Variants in TDRD10 observed in about 807,000 individuals in gnomAD.
TDRD10 encodes the protein tudor domain-containing protein 10.
Under a neutral mutation model 48.0 loss-of-function variants are expected in TDRD10, and 40 were observed. The ratio of observed to expected loss-of-function variants is 0.83; its 90% CI spans 0.65 to 1.09. TDRD10 has a LOEUF of 1.09. Ranked by LOEUF, TDRD10 falls within the 50% of genes least tolerant of loss-of-function variation. The pLI is 0.00. For synonymous variants in TDRD10, 162 were observed against 170.4 expected (o/e 0.95, Z 0.38); for missense variants, 378 against 434.7 (o/e 0.87, Z 1.16).
intron 6 of TDRD10, among the ~76,000 whole-genome samples, chr1:154,523,835 T>C (rs751731710): frequency 4.6e-5 from 7 of 152,186 alleles, no homozygotes; most frequent in Non-Finnish European, 1.0e-4. Context: ...TCAGTATATG[T>C]GCATGGTCAC....
chr1:154,534,114 C>A (rs1320125254), intron 6 of TDRD10, among the ~76,000 whole-genome samples: 2 of 152,076 alleles, frequency 1.3e-5, no homozygotes, highest in Non-Finnish European at 2.9e-5. Flanking sequence ...ATGAAACATT[C>A]CTGGCATGCA....
At chr1:154,544,976 A>C in intron 11 of TDRD10, 27 bp downstream of exon 11, 1 of 1,610,610 alleles carries the variant, frequency 6.2e-7, no homozygotes, top group Non-Finnish European at 8.5e-7. Context: ...CTTCCTCCCA[A>C]GGGTTTCAGG....
chr1:154,532,434 C>T (rs1158298537), intron 6 of TDRD10, among the ~76,000 whole-genome samples: 1 of 152,178 alleles, frequency 6.6e-6, no homozygotes, highest in Non-Finnish European at 1.5e-5. Context: ...GCGCGCAGCC[C>T]TGGTTCCCAC....
At chr1:154,519,185 C>T (rs1471723191) in intron 4 of TDRD10, among the ~76,000 whole-genome samples, 5 of 152,178 alleles carry the variant, frequency 3.3e-5, no homozygotes, top group African/African-American at 7.2e-5. Context: ...ACACATTGCT[C>T]GTTCTCACGA....
At position 154,532,211 on chromosome 1, in the gene TDRD10, C is replaced by T. The variant is rs113179984; in HGVS notation, c.370-9813C>T. ...GGGTGGTGGGGAGACTCAGGCATGGCGGGCTGCAGGTCCCAAGCCCTGCCC... is the reference window on the plus strand; with the variant it reads ...GGGTGGTGGGGAGACTCAGGCATGGTGGGCTGCAGGTCCCAAGCCCTGCCC... On this transcript the variant is annotated intron_variant, in intron 6 of 12. Transcript: ENST00000368482. Among the ~76,000 whole-genome samples the T allele has an allele frequency of 1.1e-3, 169 of 152,248 alleles. 1 individual carries two copies. In the South Asian group the frequency reaches 0.013, roughly 12 times the overall value.
chr1:154,508,207 A>G (rs1693255002), intron 3 of TDRD10, among the ~76,000 whole-genome samples: 1 of 152,164 alleles, frequency 6.6e-6, no homozygotes, highest in Non-Finnish European at 1.5e-5. Flanking sequence ...GTGCATGGGA[A>G]TATTTTAACA....
intron 4 of TDRD10, among the ~76,000 whole-genome samples, chr1:154,510,797 A>G (rs996104067): frequency 1.3e-5 from 2 of 151,914 alleles, no homozygotes; most frequent in Admixed American, 6.6e-5. Flanking sequence ...CTGTAATTCC[A>G]GCGCTTTGGG....
intron 6 of TDRD10, among the ~76,000 whole-genome samples, chr1:154,526,398 C>G (rs1189592871): frequency 5.1e-4 from 74 of 145,136 alleles, no homozygotes; most frequent in Non-Finnish European, 9.0e-5. Flanking sequence ...GCAAACAAAA[C>G]CCAAAACAAC....
At chr1:154,526,229 C>T (rs1203107538) in intron 6 of TDRD10, among the ~76,000 whole-genome samples, 1 of 148,170 alleles carries the variant, frequency 6.7e-6, no homozygotes, top group Non-Finnish European at 1.5e-5. Context: ...AGAAACTTGA[C>T]ATTATTGAAA....
intron 4 of TDRD10, among the ~76,000 whole-genome samples, chr1:154,509,307 A>G (rs1488252080): frequency 1.3e-5 from 2 of 152,256 alleles, no homozygotes; most frequent in African/African-American, 2.4e-5. Flanking sequence ...GTTCCACTCA[A>G]TCATCTCTGC....
intron 6 of TDRD10, among the ~76,000 whole-genome samples, chr1:154,538,871 T>C (rs1054202366): frequency 1.1e-4 from 14 of 130,962 alleles, no homozygotes; most frequent in African/African-American, 3.8e-4. Context: ...TTGTTATGGG[T>C]AAAGAAGAGA....
chr1:154,533,097 T>C (rs1010455861), intron 6 of TDRD10, among the ~76,000 whole-genome samples: 1 of 152,136 alleles, frequency 6.6e-6, no homozygotes, highest in Non-Finnish European at 1.5e-5. Flanking sequence ...GTTTCTTTAT[T>C]GGGTAGGGGA....
chr1:154,538,829 GGT>G (rs1695066094), intron 6 of TDRD10, among the ~76,000 whole-genome samples: 1 of 99,444 alleles, frequency 1.0e-5, no homozygotes. Flanking sequence ...CTCCAGCCTG[GGT>G]GACGGAGCGA....
At chr1:154,510,291 C>A (rs73020234) in intron 4 of TDRD10, among the ~76,000 whole-genome samples, 29,077 of 150,846 alleles carry the variant, frequency 0.19, 3,031 homozygotes, top group South Asian at 0.24. Flanking sequence ...GCCCTGTCAA[C>A]TGTCAAGAAC....
rs1260332529 is a variant in TDRD10 at position 154,544,101 on chromosome 1, C to T, written c.642C>T (p.His214=). 3.1e-6 allele frequency: 5 copies of T among 1,614,040 alleles called. No individual in the cohort carries two copies. Among genetic ancestry groups the T allele is most frequent in the Non-Finnish European group, 2.5e-6 (3 of 1,180,032 alleles). ...AGACCCCGTTTTTCTGGGCTATGCACGTCACTGAGGTATGGACTGGTTGTT... is the reference window on the plus strand; with the variant it reads ...AGACCCCGTTTTTCTGGGCTATGCATGTCACTGAGGTATGGACTGGTTGTT... The part of the protein sequence containing the change: ...VPKTPFFWAM[H]VTEALHQNMQ... Residue 214 remains histidine (H), a synonymous_variant, in exon 9 of 13, where the codon CAC becomes CAT. Transcript: ENST00000368482.
At chr1:154,545,019 G>A in intron 11 of TDRD10, 70 bp downstream of exon 11, 1 of 1,574,112 alleles carries the variant, frequency 6.4e-7, no homozygotes, top group Non-Finnish European at 8.6e-7. Flanking sequence ...TCTGGGACCT[G>A]AACAGGAAGC....
intron 5 of TDRD10, 95 bp from the exon 6 acceptor site, chr1:154,521,228 A>ACACT: frequency 8.1e-7 from 1 of 1,228,010 alleles, no homozygotes; most frequent in Non-Finnish European, 1.2e-6. Context: ...GAGAGAAAGG[A>ACACT]CACTGGCCTT....
intron 6 of TDRD10, among the ~76,000 whole-genome samples, chr1:154,535,987 A>T (rs948347233): frequency 5.3e-5 from 8 of 152,222 alleles, no homozygotes; most frequent in African/African-American, 1.9e-4. Flanking sequence ...GAGGAGCGGT[A>T]TTATGAAGAG....
chr1:154,530,432 A>AT (rs996111436), intron 6 of TDRD10, among the ~76,000 whole-genome samples: 14 of 137,480 alleles, frequency 1.0e-4, no homozygotes, highest in Middle Eastern at 3.8e-3. Context: ...TTTTCATTAA[A>AT]TTTTTTTTTT....
Sources: allele counts gnomAD v4.1 joint callset (sites outside exome capture counted in the v4.1 genomes callset), GRCh38; gene constraint gnomAD v4.1.1; transcripts MANE v1.5; gene names NCBI Gene and HGNC (gene_info 2026-07-23, HGNC 2026-07-21).